ZNF831: variants seen among roughly 807,000 people sequenced by gnomAD.
The protein encoded by ZNF831 is chromosome 20 open reading frame 174.
Under a neutral mutation model 95.8 loss-of-function variants are expected in ZNF831, and 59 were observed. The ratio of observed to expected loss-of-function variants is 0.62; its 90% CI spans 0.50 to 0.77. The LOEUF (loss-of-function observed/expected upper bound fraction) is 0.77. Among genes scored for constraint, ZNF831 ranks in the 30% least tolerant of loss-of-function variants. The pLI is 0.00. For missense variants in ZNF831, 2,205 were observed against 2,164.0 expected (o/e 1.02, Z -0.38); for synonymous variants, 961 against 925.5 (o/e 1.04, Z -0.70).
At chr20:59,223,516 C>T (rs1055612599) in intron 4 of ZNF831, among the ~76,000 whole-genome samples, 4 of 152,182 alleles carry the variant, frequency 2.6e-5, no homozygotes, top group South Asian at 2.1e-4. Context: ...GGTGCTCCAG[C>T]GGCTACGGGA....
chr20:59,193,630 G>T lies in ZNF831; in HGVS notation c.2611G>T (p.Glu871Ter). The change falls in exon 2 of 6, where the codon GAG becomes TAG. Residue 871 changes from glutamate to a stop codon, truncating the protein, a stop_gained. Coordinates refer to ENST00000371030, the MANE Select transcript of ZNF831 (RefSeq NM_178457.3). LOFTEE classifies it high-confidence loss of function. ...CGGGGAGGTGCCAGGGGGCTCAAAG[G>T]AGAGTGCCAGGCAGGTGGGCGAGCC... The part of the protein sequence containing the change: ...DPGEVPGGSK[E>*]SARQVGEPLE... 2 of 1,612,560 alleles carry T rather than the reference G, an allele frequency of 1.2e-6. No individual in the cohort carries two copies. The highest frequency in any genetic ancestry group is 1.7e-6 in the Non-Finnish European group (2 of 1,179,596).
At chr20:59,241,416 C>G (rs1987330315) in intron 4 of ZNF831, among the ~76,000 whole-genome samples, 2 of 151,836 alleles carry the variant, frequency 1.3e-5, no homozygotes, top group South Asian at 4.1e-4. Context: ...CCGAAGTACT[C>G]TCTCTTTTGA....
chr20:59,144,827 T>C (rs574691096), intron 1 of ZNF831, among the ~76,000 whole-genome samples: 1 of 152,352 alleles, frequency 6.6e-6, no homozygotes, highest in Non-Finnish European at 1.5e-5. Context: ...TTCAGGCTTC[T>C]GTTCTTCTGC....
At chr20:59,140,706 C>T (rs1310718881) in intron 1 of ZNF831, among the ~76,000 whole-genome samples, 1 of 152,082 alleles carries the variant, frequency 6.6e-6, no homozygotes, top group Non-Finnish European at 1.5e-5. Context: ...CCAGTTTCTC[C>T]ACATCTTTGC....
At chr20:59,235,633 G>A (rs1196460581) in intron 4 of ZNF831, among the ~76,000 whole-genome samples, 1 of 152,170 alleles carries the variant, frequency 6.6e-6, no homozygotes, top group Non-Finnish European at 1.5e-5. Flanking sequence ...AATCCTCGCT[G>A]AGAAAATATA....
At chr20:59,178,906 G>A (rs1322244766) in intron 1 of ZNF831, among the ~76,000 whole-genome samples, 2 of 152,094 alleles carry the variant, frequency 1.3e-5, no homozygotes, top group East Asian at 1.9e-4. Flanking sequence ...GATTTGGGTC[G>A]TCCTCCAGAG....
intron 4 of ZNF831, among the ~76,000 whole-genome samples, chr20:59,219,107 T>G (rs1985904241): frequency 6.6e-6 from 1 of 152,154 alleles, no homozygotes; most frequent in African/African-American, 2.4e-5. Flanking sequence ...TGTCCCCTCT[T>G]CCTCCATGCA....
chr20:59,175,585 C>A (rs1393423158), intron 1 of ZNF831, among the ~76,000 whole-genome samples: 3 of 151,900 alleles, frequency 2.0e-5, no homozygotes, highest in Non-Finnish European at 4.4e-5. Flanking sequence ...TTTTTCATTT[C>A]TATTATTTCC....
chr20:59,127,569 C>T (rs972882051), intron 1 of ZNF831, among the ~76,000 whole-genome samples: 1 of 152,216 alleles, frequency 6.6e-6, no homozygotes, highest in Non-Finnish European at 1.5e-5. Flanking sequence ...TCCTCGATTT[C>T]CATGACTGGT....
At chr20:59,165,433 A>T (rs976438936) in intron 1 of ZNF831, among the ~76,000 whole-genome samples, 2 of 152,228 alleles carry the variant, frequency 1.3e-5, no homozygotes, top group Non-Finnish European at 2.9e-5. Context: ...ACAAATGAAC[A>T]TGAGCCCCAC....
At chr20:59,220,104 C>T (rs1167743198) in intron 4 of ZNF831, among the ~76,000 whole-genome samples, 6 of 152,248 alleles carry the variant, frequency 3.9e-5, no homozygotes, top group South Asian at 4.2e-4. Context: ...TTCTGAAAAC[C>T]GTTCTCATAT....
Position 59,195,869 on chromosome 20 carries a change from T to C in ZNF831, c.3739T>C (p.Phe1247Leu), listed in dbSNP as rs1437556991. The change falls in exon 3 of 6, where the codon TTC becomes CTC. Residue 1247 changes from phenylalanine to leucine, a missense_variant and splice_region_variant. Phe to Leu is a conservative substitution (Grantham distance 22, BLOSUM62 0). Transcript: ENST00000371030. ...GEGGPAQMSK[F>L]SYPTVPGVMP... The stretch of plus-strand genomic sequence containing the variant: ...ATGCCAACATGCTTGGTGTTTTCAG[T>C]TCTCCTACCCAACAGTCCCAGGGGT... 1 of 1,611,100 alleles carries C rather than the reference T, an allele frequency of 6.2e-7. No individual in the cohort carries two copies.
intron 4 of ZNF831, among the ~76,000 whole-genome samples, chr20:59,227,752 C>T (rs138969131): frequency 9.9e-5 from 15 of 152,096 alleles, no homozygotes; most frequent in Admixed American, 3.3e-4. Context: ...TCATAAACAC[C>T]TCAGTGGGGT....
At chr20:59,233,034 AC>A in intron 4 of ZNF831, among the ~76,000 whole-genome samples, 1 of 149,652 alleles carries the variant, frequency 6.7e-6, no homozygotes, top group South Asian at 2.1e-4. Flanking sequence ...ACACACACAC[AC>A]ACACACACAT....
intron 3 of ZNF831, among the ~76,000 whole-genome samples, chr20:59,198,103 C>T (rs534609295): frequency 1.4e-4 from 22 of 152,076 alleles, no homozygotes; most frequent in Non-Finnish European, 2.6e-4. Flanking sequence ...TGCCTGGTGC[C>T]CACACCTGGA....
rs1985025164 is a variant in ZNF831, at chr20:59,208,036, T to A, written c.4027+980T>A. Among the ~76,000 whole-genome samples the A allele has an allele frequency of 6.6e-6, 1 of 152,238 alleles. No homozygotes were observed. Among genetic ancestry groups the A allele is most frequent in the Non-Finnish European group, 1.5e-5 (1 of 68,036 alleles). On this transcript the variant is annotated intron_variant, in intron 4 of 5. Transcript: ENST00000371030. This position sits in a 1 kb window ranked among gnomAD's most constrained non-coding sequence, Gnocchi z 4.2. ...GGGTAGGCAAGGACATGGAGTAGTC[T>A]TGTTTCCCAGAGAGAATTTAAATCC...
intron 2 of ZNF831, among the ~76,000 whole-genome samples, chr20:59,156,178 G>A (rs990448700): frequency 1.1e-4 from 16 of 152,222 alleles, no homozygotes; most frequent in African/African-American, 3.1e-4. Flanking sequence ...GTTTCCTCTC[G>A]CCTCCTTTAT....
chr20:59,198,680 T>G (rs1984301421), intron 3 of ZNF831, among the ~76,000 whole-genome samples: 1 of 152,228 alleles, frequency 6.6e-6, no homozygotes, highest in Non-Finnish European at 1.5e-5. Context: ...GACTTAGAGC[T>G]CTAACCAAGA....
At position 59,255,880 on chromosome 20, in the gene ZNF831, C is replaced by A. The variant is rs1316736685; in HGVS notation, c.*1137C>A. 6.6e-6 allele frequency: 1 copy of A among 152,136 alleles called. No homozygotes were observed. Among genetic ancestry groups the A allele is most frequent in the South Asian group, 2.1e-4 (1 of 4,824 alleles). The allele number at this position is 152,136 out of a possible 1,614,324, so 9.4% of individuals were successfully genotyped here. On this transcript the variant is annotated 3_prime_UTR_variant, in exon 6 of 6. Transcript: ENST00000371030. ...AATTCCCCAGTATTCCAAGCCGGTG[C>A]GCCCCTGTGCAGAAGAAAACAGATC...
Sources: allele counts gnomAD v4.1 joint callset (sites outside exome capture counted in the v4.1 genomes callset), GRCh38; gene constraint gnomAD v4.1.1; non-coding constraint Gnocchi (gnomAD v3.1); transcripts MANE v1.5; gene names NCBI Gene and HGNC (gene_info 2026-07-23, HGNC 2026-07-21).